The following HIBCH variants were observed in gnomAD, a reference collection of about 807,000 sequenced individuals.
HIBCH encodes the protein 3-hydroxyisobutyryl-CoA hydrolase, mitochondrial.
HIBCH carries 50 observed loss-of-function variants against 58.2 expected under a neutral mutation model. That is an observed-to-expected ratio of 0.86 (90% CI 0.68 to 1.09). The LOEUF is 1.09. HIBCH is among the 50% of genes least tolerant of loss of function. The pLI, the probability that HIBCH is intolerant of heterozygous loss-of-function variation, is 0.00. For synonymous variants in HIBCH, 151 were observed against 146.9 expected, an observed-to-expected ratio of 1.03 and a Z score of -0.20; for missense variants, 450 against 449.7, an observed-to-expected ratio of 1.00 and a Z score of -0.01.
At chr2:190,247,290 A>G (rs1686637836) in intron 9 of HIBCH, among the ~76,000 whole-genome samples, 2 of 152,198 alleles carry the variant, frequency 1.3e-5, no homozygotes, top group African/African-American at 4.8e-5. Context: ...TGACTTCCCT[A>G]CAAACTAACT....
intron 11 of HIBCH, among the ~76,000 whole-genome samples, chr2:190,241,295 C>T (rs185086289): frequency 1.2e-4 from 19 of 152,190 alleles, no homozygotes; most frequent in African/African-American, 4.3e-4. Flanking sequence ...GCAACCCCTG[C>T]TTTTTTGCTT....
At chr2:190,194,748 T>C (rs775780316) in intron 1 of HIBCH, among the ~76,000 whole-genome samples, 2 of 152,128 alleles carry the variant, frequency 1.3e-5, no homozygotes, top group Non-Finnish European at 2.9e-5. Flanking sequence ...TCCAGAGTCT[T>C]GCCATTTCTA....
intron 9 of HIBCH, among the ~76,000 whole-genome samples, chr2:190,248,686 A>C (rs145409444): frequency 0.012 from 1,880 of 151,846 alleles, 48 homozygotes; most frequent in African/African-American, 0.042. Flanking sequence ...ACATGGTGAA[A>C]CCCTGTCTCT....
In HIBCH at chr2:190,249,656, T is replaced by C; in HGVS notation, c.734A>G (p.Glu245Gly). Residue 245 changes from glutamate (E) to glycine (G), a missense_variant, in exon 9 of 14, where the codon GAA (glutamate) becomes GGA (glycine). Physicochemically the swap from Glu to Gly is moderately conservative, Grantham distance 98 (BLOSUM62 -2). Coordinates refer to ENST00000359678, the MANE Select transcript of HIBCH (RefSeq NM_014362.4). The stretch of plus-strand genomic sequence containing the variant: ...CAAGATTACCTCTGTATGGTAATTT[T>C]CTAAGACAGATGCAATATTTTCTTT... ...PSKENIASVL[E>G]NYHTESKIDR... The C allele has an allele frequency of 6.3e-7, 1 of 1,594,196 alleles. No homozygotes were observed. Among genetic ancestry groups the C allele is most frequent in the Non-Finnish European group, 8.6e-7 (1 of 1,162,222 alleles).
At chr2:190,235,174 G>A (rs925065487) in intron 11 of HIBCH, among the ~76,000 whole-genome samples, 8 of 152,172 alleles carry the variant, frequency 5.3e-5, no homozygotes, top group Non-Finnish European at 1.0e-4. Context: ...ACAGCCCTTC[G>A]TATTTATTGG....
At chr2:190,297,118 A>C (rs1458256482) in intron 2 of HIBCH, among the ~76,000 whole-genome samples, 165 bp from the exon 3 acceptor site, 1 of 152,250 alleles carries the variant, frequency 6.6e-6, no homozygotes, top group Non-Finnish European at 1.5e-5. Flanking sequence ...GATTATGTAG[A>C]CGAACAATTC....
At chr2:190,241,038 TTC>T (rs1207985381) in intron 11 of HIBCH, among the ~76,000 whole-genome samples, 15 of 152,222 alleles carry the variant, frequency 9.9e-5, no homozygotes, top group Non-Finnish European at 1.5e-5. Flanking sequence ...CTTGTTAATT[TTC>T]TGTCTCATTA....
chr2:190,300,642 A>T (rs1688235129), intron 2 of HIBCH, among the ~76,000 whole-genome samples: 2 of 151,914 alleles, frequency 1.3e-5, no homozygotes, highest in East Asian at 1.9e-4. Flanking sequence ...GCTGTCCAGA[A>T]GCTCTTTACT....
chr2:190,218,491 C>G (rs1340504043), intron 11 of HIBCH, among the ~76,000 whole-genome samples: 3 of 152,148 alleles, frequency 2.0e-5, no homozygotes, highest in Non-Finnish European at 4.4e-5. Flanking sequence ...ATTCCACCCC[C>G]AAGCCCACCC....
In HIBCH at chr2:190,215,226, G is replaced by A. The variant is rs1575697445; in HGVS notation, c.892-2151C>T. ...ATTGTGTTTACTGGGGAAGAGAGGG[G>A]AATAATTATAAGGGCAGCCATAACC... On this transcript the variant is annotated intron_variant, in intron 11 of 13. Transcript: ENST00000359678. The surrounding 1 kb of genome is among the most constrained non-coding windows in gnomAD (Gnocchi z 4.4). 1 of 152,252 alleles carries A rather than the reference G, an allele frequency of 6.6e-6. No homozygotes were observed. Among genetic ancestry groups the A allele is most frequent in the East Asian group, 1.9e-4 (1 of 5,188 alleles). 9.4% of individuals were successfully genotyped at this position (152,252 alleles called of 1,614,324 possible).
At chr2:190,301,179 A>C (rs1013923040) in intron 2 of HIBCH, among the ~76,000 whole-genome samples, 1 of 152,180 alleles carries the variant, frequency 6.6e-6, no homozygotes, top group African/African-American at 2.4e-5. Context: ...CTCAGGAGGG[A>C]AACAGAGGTC....
At position 190,244,807 on chromosome 2, in the gene HIBCH, C is replaced by T. The variant is rs11883568; in HGVS notation, c.891+80G>A. 0.26 allele frequency: 231,800 copies of T among 879,918 alleles called. 33,505 individuals are homozygous for T. The highest frequency in any genetic ancestry group is 0.48 in the East Asian group (19,797 of 41,510). 54.5% of individuals were successfully genotyped at this position (879,918 alleles called of 1,614,324 possible). A position where few individuals can be genotyped will look rare whatever the true frequency, so the allele number is the denominator to read the frequency against. On this transcript the variant is annotated intron_variant, in intron 11 of 13. Transcript: ENST00000359678. ...ATGGGCTATGTCACCACCAATGGAG[C>T]ACTAATACCCCCTTAGAGAGGCTTC...
chr2:190,302,299 T>C (rs550651757), intron 2 of HIBCH, among the ~76,000 whole-genome samples: 2 of 152,300 alleles, frequency 1.3e-5, no homozygotes, highest in East Asian at 1.9e-4. Flanking sequence ...GGAGGGGCTA[T>C]GAATATTCAC....
intron 2 of HIBCH, among the ~76,000 whole-genome samples, chr2:190,299,667 T>C (rs1307838331): frequency 6.6e-6 from 1 of 152,190 alleles, no homozygotes; most frequent in Non-Finnish European, 1.5e-5. Flanking sequence ...TGTTAAGGTT[T>C]TGTTTTTGTT....
chr2:190,227,344 TGCTG>T (rs1289842279), intron 11 of HIBCH, among the ~76,000 whole-genome samples: 4 of 152,156 alleles, frequency 2.6e-5, no homozygotes, highest in African/African-American at 9.7e-5. Context: ...TAATAAATGG[TGCTG>T]GGAAAACTGG....
downstream of HIBCH, chr2:190,200,201 G>GA (rs1438258155): frequency 6.7e-7 from 1 of 1,488,744 alleles, no homozygotes; most frequent in African/African-American, 1.4e-5. Context: ...GAATAAATGT[G>GA]ACAAAAGCAA....
intron 1 of HIBCH, among the ~76,000 whole-genome samples, chr2:190,314,761 G>C (rs1288507259): frequency 6.6e-6 from 1 of 152,128 alleles, no homozygotes; most frequent in Non-Finnish European, 1.5e-5. Context: ...TGACAGGTGT[G>C]AGCCACCGCA....
chr2:190,199,790 T>G (rs2105889477), downstream of HIBCH: 2 of 1,565,462 alleles, frequency 1.3e-6, no homozygotes, highest in South Asian at 2.5e-5. Flanking sequence ...ATGGACAAAT[T>G]TCATTGTTTT....
intron 5 of HIBCH, 122 bp from the exon 6 acceptor site, chr2:190,287,760 A>C (rs1687867687): frequency 1.5e-6 from 1 of 687,162 alleles, no homozygotes; most frequent in Non-Finnish European, 2.6e-6. Flanking sequence ...AAGAAACACC[A>C]AAGACGACTA....
Sources: gnomAD v4.1 joint callset for allele counts (sites outside exome capture counted in the v4.1 genomes callset) on GRCh38, gnomAD v4.1.1 for gene constraint, Gnocchi (gnomAD v3.1) non-coding constraint, MANE v1.5 for transcripts, NCBI Gene and HGNC (gene_info 2026-07-23, HGNC 2026-07-21) for gene names.